WWOX: variants seen among roughly 807,000 people sequenced by gnomAD.
WWOX encodes the protein WW domain containing oxidoreductase, also known as WW domain-containing oxidoreductase.
A neutral mutation model predicts 46.2 loss-of-function variants in WWOX; 69 were observed. The observed-to-expected ratio is 1.49, with a 90% CI of 1.23 to 1.82. The LOEUF (loss-of-function observed/expected upper bound fraction) is 1.82. WWOX is among the 40% of genes most tolerant of loss of function. WWOX has a pLI of 0.00. For missense variants in WWOX, 919 were observed against 542.6 expected (o/e 1.69, Z -6.89); for synonymous variants, 359 against 202.6 (o/e 1.77, Z -6.56).
chr16:78,563,395 C>G (rs966553427), intron 8 of WWOX, among the ~76,000 whole-genome samples: 2 of 151,572 alleles, frequency 1.3e-5, no homozygotes, highest in African/African-American at 4.9e-5. Context: ...AGGAACAGAA[C>G]TGACAGGTAT....
intron 4 of WWOX, among the ~76,000 whole-genome samples, chr16:78,133,631 G>A (rs1351142818): frequency 2.0e-5 from 3 of 151,846 alleles, no homozygotes; most frequent in African/African-American, 7.3e-5. Context: ...CCTGACCTCA[G>A]GTGATCCACC....
At chr16:78,776,875 A>C (rs2142539676) in intron 8 of WWOX, among the ~76,000 whole-genome samples, 1 of 152,204 alleles carries the variant, frequency 6.6e-6, no homozygotes, top group Non-Finnish European at 1.5e-5. Context: ...AGAATGGGGG[A>C]ACCACCCCCA....
At chr16:78,944,921 G>A (rs750872099) in intron 8 of WWOX, among the ~76,000 whole-genome samples, 1 of 152,102 alleles carries the variant, frequency 6.6e-6, no homozygotes, top group Non-Finnish European at 1.5e-5. Flanking sequence ...GCTCACACCT[G>A]TAATCCCAGC....
chr16:78,996,465 C>T (rs951784395), intron 8 of WWOX: 3 of 370,594 alleles, frequency 8.1e-6, no homozygotes, highest in African/African-American at 2.2e-5. Context: ...AGCACTGGGC[C>T]GGACCCATGG....
chr16:78,200,705 A>G (rs2036202985), intron 5 of WWOX, among the ~76,000 whole-genome samples: 1 of 151,536 alleles, frequency 6.6e-6, no homozygotes, highest in South Asian at 2.1e-4. Context: ...GCCTTTGCCC[A>G]AGGTGAACCT....
intron 8 of WWOX, among the ~76,000 whole-genome samples, chr16:78,855,042 A>G (rs2052535396): frequency 6.6e-6 from 1 of 152,052 alleles, no homozygotes; most frequent in African/African-American, 2.4e-5. Flanking sequence ...ATAAGTCAGG[A>G]CTATGATTGA....
At chr16:78,147,675 CTTTTTTTTTT>C (rs33931881) in intron 4 of WWOX, among the ~76,000 whole-genome samples, 2 of 90,644 alleles carry the variant, frequency 2.2e-5, no homozygotes, top group East Asian at 2.6e-4. Context: ...TTCTTTCTTC[CTTTTTTTTTT>C]TTTTTTTTTT....
At chr16:78,622,029 G>C (rs1057231970) in intron 8 of WWOX, among the ~76,000 whole-genome samples, 9 of 152,164 alleles carry the variant, frequency 5.9e-5, no homozygotes, top group Middle Eastern at 3.4e-3. Flanking sequence ...GGAAAGTTTT[G>C]GCTACCCAGT....
chr16:79,163,570 G>C (rs2050529284), intron 8 of WWOX, among the ~76,000 whole-genome samples: 1 of 152,098 alleles, frequency 6.6e-6, no homozygotes, highest in Non-Finnish European at 1.5e-5. Flanking sequence ...AGGCCGAAGG[G>C]GGTGGATCAC....
Position 79,027,826 on chromosome 16 carries a change from G to A in WWOX, c.1057-183782G>A, listed in dbSNP as rs555985549. Reference sequence around the variant, plus strand: ...GGGATGGTTTTTGTGGTTGCCTAGTGTCTTCTAAAGACCCCTGAACATAGC... The same window carrying A: ...GGGATGGTTTTTGTGGTTGCCTAGTATCTTCTAAAGACCCCTGAACATAGC... On this transcript the variant is annotated intron_variant, in intron 8 of 8. Transcript: ENST00000566780. Among the ~76,000 whole-genome samples, 4 of 151,872 alleles carry A rather than the reference G, an allele frequency of 2.6e-5. 1 individual carries two copies. The highest frequency in any genetic ancestry group is 9.7e-5 in the African/African-American group (4 of 41,188).
At chr16:78,481,770 C>CGT (rs1376447723) in intron 8 of WWOX, among the ~76,000 whole-genome samples, 18 of 110,452 alleles carry the variant, frequency 1.6e-4, no homozygotes, top group African/African-American at 5.5e-4. Flanking sequence ...TGTGTGCGCG[C>CGT]GCCTGCATGT....
At chr16:78,788,068 C>A (rs757072927) in intron 8 of WWOX, among the ~76,000 whole-genome samples, 14 of 152,114 alleles carry the variant, frequency 9.2e-5, no homozygotes, top group Non-Finnish European at 2.1e-4. Context: ...AAATCCTTTG[C>A]AAACATTTTC....
chr16:78,991,839 A>C (rs933878276), intron 8 of WWOX, among the ~76,000 whole-genome samples: 1 of 152,056 alleles, frequency 6.6e-6, no homozygotes, highest in Admixed American at 6.6e-5. Flanking sequence ...TACCATCATC[A>C]CTGCTTCAGA....
chr16:78,108,214 C>G (rs987229496), intron 1 of WWOX, among the ~76,000 whole-genome samples: 1 of 150,854 alleles, frequency 6.6e-6, no homozygotes, highest in African/African-American at 2.4e-5. Context: ...GTGTGAGCCA[C>G]CGCTCCCGAC....
chr16:78,365,605 C>G (rs2081518618), intron 5 of WWOX, among the ~76,000 whole-genome samples: 1 of 152,186 alleles, frequency 6.6e-6, no homozygotes, highest in Non-Finnish European at 1.5e-5. Flanking sequence ...GTAATTCTTT[C>G]CACATTATGA....
intron 5 of WWOX, among the ~76,000 whole-genome samples, chr16:78,207,408 G>A (rs2036427861): frequency 6.6e-6 from 1 of 151,816 alleles, no homozygotes; most frequent in African/African-American, 2.4e-5. Context: ...ATATTTACCA[G>A]AAGTGAATCA....
chr16:78,604,654 A>T (rs992650546), intron 8 of WWOX, among the ~76,000 whole-genome samples: 1 of 147,782 alleles, frequency 6.8e-6, no homozygotes, highest in African/African-American at 2.5e-5. Flanking sequence ...TTTAAAAAAG[A>T]TTCCTTCCTT....
chr16:78,564,939 CTCCT>C (rs1186581095), intron 8 of WWOX, among the ~76,000 whole-genome samples: 1 of 151,972 alleles, frequency 6.6e-6, no homozygotes, highest in Non-Finnish European at 1.5e-5. Context: ...ATCTGAAATC[CTCCT>C]TCCTTTTTAA....
intron 6 of WWOX, among the ~76,000 whole-genome samples, chr16:78,415,858 T>C (rs2082785999): frequency 6.6e-6 from 1 of 152,130 alleles, no homozygotes; most frequent in African/African-American, 2.4e-5. Context: ...GGGGATGTCC[T>C]CTGGCCCAGA....
Sources: allele counts gnomAD v4.1 joint callset (sites outside exome capture counted in the v4.1 genomes callset), GRCh38; gene constraint gnomAD v4.1.1; transcripts MANE v1.5; gene names NCBI Gene and HGNC (gene_info 2026-07-23, HGNC 2026-07-21).